DBR1: variants seen among roughly 807,000 people sequenced by gnomAD.
The protein encoded by DBR1 is debranching RNA lariats 1.
DBR1 carries 33 observed loss-of-function variants against 45.9 expected under a neutral mutation model. The ratio of observed to expected loss-of-function variants is 0.72; its 90% CI spans 0.55 to 0.96. DBR1 has a LOEUF of 0.96. DBR1 is among the 40% of genes least tolerant of loss of function. The probability of loss-of-function intolerance (pLI) is 0.00; values close to 1 mark genes in which losing one functional copy is unlikely to be tolerated. For synonymous variants in DBR1, 235 were observed against 235.9 expected, an observed-to-expected ratio of 1.00 and a Z score of 0.04; for missense variants, 619 against 667.4, an observed-to-expected ratio of 0.93 and a Z score of 0.80.
At chr3:138,168,665 A>G (rs568629609) in intron 4 of DBR1, among the ~76,000 whole-genome samples, 1 of 151,606 alleles carries the variant, frequency 6.6e-6, no homozygotes, top group Non-Finnish European at 1.5e-5. Context: ...AAACTAGAGA[A>G]GTCATGGCTG....
chr3:138,170,030 A>G, intron 4 of DBR1, 77 bp downstream of exon 4: 1 of 934,338 alleles, frequency 1.1e-6, no homozygotes, highest in Non-Finnish European at 1.7e-6. Context: ...GTAGTATACC[A>G]ATATGACCAA....
At position 138,174,860 on chromosome 3, in the gene DBR1, C is replaced by A; in HGVS notation, c.-65G>T. On this transcript the variant is annotated 5_prime_UTR_variant, in exon 1 of 8. Coordinates refer to ENST00000260803, the MANE Select transcript of DBR1 (RefSeq NM_016216.4). ...TACACCACAGCCAGCCCAGGACCGA[C>A]TGATCGCTCAGCTCCCGCCAACTTT... 2 of 1,510,452 alleles carry A rather than the reference C, an allele frequency of 1.3e-6. No homozygotes were observed. Among genetic ancestry groups the A allele is most frequent in the East Asian group, 2.4e-5 (1 of 42,518 alleles). 93.6% of individuals were successfully genotyped at this position (1,510,452 alleles called of 1,614,324 possible). A position where few individuals can be genotyped will look rare whatever the true frequency, so the allele number is the denominator to read the frequency against.
intron 4 of DBR1, among the ~76,000 whole-genome samples, chr3:138,168,787 T>C (rs1301598867): frequency 6.6e-6 from 1 of 151,938 alleles, no homozygotes; most frequent in Non-Finnish European, 1.5e-5. Flanking sequence ...CGAAACTCTG[T>C]CTCTAAAAAA....
In DBR1 at chr3:138,168,743, G is replaced by C. The variant is rs1185629639; in HGVS notation, c.489+1364C>G. Among the ~76,000 whole-genome samples, 5 of 152,172 alleles carry C rather than the reference G, an allele frequency of 3.3e-5. No homozygotes were observed. In the East Asian group the frequency reaches 9.7e-4, roughly 29 times the overall value. ...AGGCCAAGGCAGAAGGATCGCTTGA[G>C]TTCAAGAGTTTGAGACCAGCCTGGG... On this transcript the variant is annotated intron_variant, in intron 4 of 7. Transcript: ENST00000260803.
At chr3:138,167,608 T>C in intron 4 of DBR1, among the ~76,000 whole-genome samples, 1 of 152,232 alleles carries the variant, frequency 6.6e-6, no homozygotes, top group Non-Finnish European at 1.5e-5. Context: ...ACTTAGCTTC[T>C]AAAATACACG....
In DBR1 at chr3:138,163,341, T is replaced by G. The variant is rs2042916164; in HGVS notation, c.941+8A>C. ...GAAAAAGCAGGTCCTAAATAAAGTCTGACTTACCTTGCATGCAGGCCATTA... is the reference window on the plus strand; with the variant it reads ...GAAAAAGCAGGTCCTAAATAAAGTCGGACTTACCTTGCATGCAGGCCATTA... On this transcript the variant is annotated splice_region_variant and intron_variant, in intron 7 of 7. Transcript: ENST00000260803. The G allele has an allele frequency of 4.4e-6, 7 of 1,609,094 alleles. No homozygotes were observed. Among genetic ancestry groups the G allele is most frequent in the Non-Finnish European group, 5.1e-6 (6 of 1,178,140 alleles).
rs369882903 is a variant in DBR1 at position 138,162,352 on chromosome 3, T to C, written c.1172A>G (p.His391Arg). Residue 391 changes from histidine (H) to arginine (R), a missense_variant, in exon 8 of 8, where the codon CAT (histidine) becomes CGT (arginine). Physicochemically the swap from His to Arg is conservative, Grantham distance 29. Around this residue, in one of 3 missense-constraint regions of DBR1, gnomAD observed 182 missense variants for 196.1 expected, o/e 0.93. Coordinates refer to ENST00000260803, the MANE Select transcript of DBR1 (RefSeq NM_016216.4). ...CTGTTCTTCATATTCACCACACACA[T>C]GATGTTCTTCCTTGGACTTCTGAAG... ...VRLQKSKEEH[H>R]VCGEYEEQDD... 21 of 1,614,088 alleles carry C rather than the reference T, an allele frequency of 1.3e-5. No individual in the cohort carries two copies. The highest frequency in any genetic ancestry group is 1.6e-4 in the Middle Eastern group (1 of 6,084).
intron 4 of DBR1, 90 bp downstream of exon 4, chr3:138,170,017 A>C: frequency 1.3e-6 from 1 of 794,176 alleles, no homozygotes; most frequent in Non-Finnish European, 2.1e-6. Context: ...GCTCTTCTTG[A>C]AAGTAGTATA....
intron 4 of DBR1, among the ~76,000 whole-genome samples, chr3:138,168,515 T>G (rs2042940556): frequency 6.8e-6 from 1 of 147,290 alleles, no homozygotes; most frequent in African/African-American, 2.5e-5. Context: ...AGTGAAACTT[T>G]GTCTCAAAAA....
chr3:138,173,573 T>A lies in DBR1; in HGVS notation c.251A>T (p.Asn84Ile). 6.2e-7 allele frequency: 1 copy of A among 1,613,554 alleles called. No homozygotes were observed. The highest frequency in any genetic ancestry group is 8.5e-7 in the Non-Finnish European group (1 of 1,179,574). ...APVLTLFIGG[N>I]HEASNHLQEL... ...TTGCAAATGATTTGAGGCTTCATGGTTTCCCCCAATGAAGAGCGTGAGAAC... is the reference window on the plus strand; with the variant it reads ...TTGCAAATGATTTGAGGCTTCATGGATTCCCCCAATGAAGAGCGTGAGAAC... Residue 84 changes from asparagine (N) to isoleucine (I), a missense_variant, in exon 2 of 8, where the codon AAC (asparagine) becomes ATC (isoleucine). Physicochemically the swap from Asn to Ile is moderately radical, Grantham distance 149. Transcript: ENST00000260803.
rs1236776122 is a variant in DBR1, at chr3:138,165,922, CCTT to C, written c.714+1156_714+1158del. ...AGATACAATGAAAAGAGTAACCTCTCCTTCTCCCAGTGAAACTGGGAAGTGAGA... is the reference window on the plus strand; with the variant it reads ...AGATACAATGAAAAGAGTAACCTCTCCTCCCAGTGAAACTGGGAAGTGAGA... On this transcript the variant is annotated intron_variant, in intron 5 of 7. Coordinates refer to ENST00000260803, the MANE Select transcript of DBR1 (RefSeq NM_016216.4). 2.0e-5 allele frequency among the ~76,000 whole-genome samples: 3 copies of C among 152,336 alleles called. No homozygotes were observed. In the East Asian group the frequency reaches 5.8e-4, roughly 29 times the overall value.
At position 138,161,710 on chromosome 3, in the gene DBR1, G is replaced by A. The variant is rs912433526; in HGVS notation, c.*179C>T. 2 of 557,360 alleles carry A rather than the reference G, an allele frequency of 3.6e-6. No individual in the cohort carries two copies. The highest frequency in any genetic ancestry group is 3.8e-5 in the African/African-American group (2 of 52,896). 34.5% of individuals were successfully genotyped at this position (557,360 alleles called of 1,614,324 possible). ...AAAATGCAAAAATTAGCCGGGTGTGGTGGCGGGCACCTGTAGTCCCACCTA... is the reference window on the plus strand; with the variant it reads ...AAAATGCAAAAATTAGCCGGGTGTGATGGCGGGCACCTGTAGTCCCACCTA... On this transcript the variant is annotated 3_prime_UTR_variant, in exon 8 of 8. Transcript: ENST00000260803.
chr3:138,173,802 C>T (rs979361524), intron 1 of DBR1, among the ~76,000 whole-genome samples, 176 bp from the exon 2 acceptor site: 5 of 151,944 alleles, frequency 3.3e-5, no homozygotes, highest in Non-Finnish European at 7.4e-5. Context: ...TTTTGATGGC[C>T]GACACAGGCG....
intron 5 of DBR1, chr3:138,164,113 C>T (rs2042919895): frequency 1.1e-5 from 3 of 285,500 alleles, no homozygotes; most frequent in Non-Finnish European, 2.0e-5. Context: ...ATGATGTTAA[C>T]TCAAAGCATT....
chr3:138,163,228 C>T, intron 7 of DBR1, 121 bp downstream of exon 7: 1 of 996,864 alleles, frequency 1.0e-6, no homozygotes, highest in South Asian at 1.8e-5. Flanking sequence ...GATCACACCA[C>T]TGCAGTCCAG....
At chr3:138,163,532 T>C in intron 6 of DBR1, 38 bp from the exon 7 acceptor site, 2 of 1,263,564 alleles carry the variant, frequency 1.6e-6, no homozygotes, top group Non-Finnish European at 2.2e-6. Context: ...TACATATATA[T>C]TTGTAACAGT....
At chr3:138,163,905 C>G (rs1453648405) in intron 5 of DBR1, 47 bp from the exon 6 acceptor site, 5 of 1,384,756 alleles carry the variant, frequency 3.6e-6, no homozygotes, top group Admixed American at 1.7e-5. Context: ...AAAACAACCA[C>G]AGGTAATTCT....
In DBR1 at chr3:138,170,103, G is replaced by T. The variant is rs374340614; in HGVS notation, c.489+4C>A. 6.5e-7 allele frequency: 1 copy of T among 1,535,422 alleles called. No individual in the cohort carries two copies. The highest frequency in any genetic ancestry group is 9.0e-7 in the Non-Finnish European group (1 of 1,116,306). ...AAGTCTGCTGTAATGCGCTTTTTACGTACCTGTTTTAATTTATAGACTTCA... is the reference window on the plus strand; with the variant it reads ...AAGTCTGCTGTAATGCGCTTTTTACTTACCTGTTTTAATTTATAGACTTCA... On this transcript the variant is annotated splice_donor_region_variant and intron_variant, in intron 4 of 7. Transcript: ENST00000260803.
At chr3:138,172,957 T>A (rs2042961938) in intron 2 of DBR1, among the ~76,000 whole-genome samples, 1 of 152,138 alleles carries the variant, frequency 6.6e-6, no homozygotes, top group Non-Finnish European at 1.5e-5. Context: ...TTACTTCAGT[T>A]AAGTATAATA....
Sources: allele counts gnomAD v4.1 joint callset (sites outside exome capture counted in the v4.1 genomes callset), GRCh38; gene constraint gnomAD v4.1.1; regional missense constraint gnomAD v4.1.1; transcripts MANE v1.5; gene names NCBI Gene and HGNC (gene_info 2026-07-23, HGNC 2026-07-21).